KLF7: variants seen among roughly 807,000 people sequenced by gnomAD.
KLF7 encodes KLF transcription factor 7.
A neutral mutation model predicts 27.3 loss-of-function variants in KLF7; 2 were observed. The observed-to-expected ratio is 0.07, with a 90% CI of 0.03 to 0.23. KLF7 has a LOEUF of 0.23. KLF7 is among the 10% of genes least tolerant of loss of function. The pLI, the probability that KLF7 is intolerant of heterozygous loss-of-function variation, is 1.00. For synonymous variants in KLF7, 165 were observed against 162.4 expected, an observed-to-expected ratio of 1.02 and a Z score of -0.12; for missense variants, 221 against 394.1, an observed-to-expected ratio of 0.56 and a Z score of 3.72.
At chr2:207,140,853 T>A (rs2077921895) in intron 1 of KLF7, among the ~76,000 whole-genome samples, 1 of 152,146 alleles carries the variant, frequency 6.6e-6, no homozygotes, top group African/African-American at 2.4e-5. Context: ...AAGTATCTCA[T>A]TGTAAAGGGT....
chr2:207,158,810 G>C (rs1027493796), intron 1 of KLF7, among the ~76,000 whole-genome samples: 2 of 152,126 alleles, frequency 1.3e-5, no homozygotes, highest in Non-Finnish European at 2.9e-5. Context: ...AAAGTAAAAA[G>C]GGAATTTTCT....
intron 1 of KLF7, among the ~76,000 whole-genome samples, chr2:207,137,806 T>C (rs1662122576): frequency 1.3e-5 from 2 of 152,192 alleles, no homozygotes; most frequent in South Asian, 4.1e-4. Context: ...TTTCTCTTAT[T>C]CATTATGTCA....
chr2:207,107,486 G>T (rs1574464936), intron 2 of KLF7, among the ~76,000 whole-genome samples: 1 of 152,186 alleles, frequency 6.6e-6, no homozygotes, highest in African/African-American at 2.4e-5. Context: ...ATATGGAGCT[G>T]CGGCCGTAAA....
chr2:207,168,713 G>A (rs893274842), upstream of KLF7, among the ~76,000 whole-genome samples: 8 of 152,190 alleles, frequency 5.3e-5, no homozygotes, highest in Admixed American at 6.5e-5. Context: ...TTTGCTCCAA[G>A]CTTTGTAGAA....
chr2:207,080,879 A>C lies in KLF7; in HGVS notation c.*334T>G, dbSNP rs2076253401. 4.8e-6 allele frequency: 2 copies of C among 416,370 alleles called. No homozygotes were observed. Among genetic ancestry groups the C allele is most frequent in the Non-Finnish European group, 8.5e-6 (2 of 236,316 alleles). The allele number at this position is 416,370 out of a possible 1,614,324, so 25.8% of individuals were successfully genotyped here. On this transcript the variant is annotated 3_prime_UTR_variant, in exon 4 of 4. Coordinates refer to ENST00000309446, the MANE Select transcript of KLF7 (RefSeq NM_003709.4). ...ATTTTCTTTGATTTCCATTGGCAAC[A>C]GCGGGAAATAATTCCAATAGTGCTG... is the stretch of plus-strand genomic sequence containing the variant.
chr2:207,173,518 C>A, the KLF7 span: 5 of 151,988 alleles, frequency 3.3e-5, no homozygotes, highest in Admixed American at 2.0e-4. Flanking sequence ...AAAAAATGGT[C>A]TCGGTGAATT....
chr2:207,164,590 G>A (rs766924876), intron 1 of KLF7, among the ~76,000 whole-genome samples: 1 of 152,060 alleles, frequency 6.6e-6, no homozygotes, highest in East Asian at 1.9e-4. Flanking sequence ...ACAAAGCCCA[G>A]TGAACTTGTC....
At chr2:207,121,277 G>A (rs2077333984) in intron 2 of KLF7, among the ~76,000 whole-genome samples, 3 of 152,194 alleles carry the variant, frequency 2.0e-5, no homozygotes, top group Non-Finnish European at 4.4e-5. Flanking sequence ...TTTTGTGGTA[G>A]TTAACTTTGG....
chr2:207,151,653 A>G (rs2078251047), intron 1 of KLF7, among the ~76,000 whole-genome samples: 1 of 152,012 alleles, frequency 6.6e-6, no homozygotes, highest in Non-Finnish European at 1.5e-5. Context: ...CCTTTTTAGA[A>G]ATATTTTTCA....
chr2:207,153,880 G>A (rs1194339116), intron 1 of KLF7, among the ~76,000 whole-genome samples: 2 of 152,184 alleles, frequency 1.3e-5, no homozygotes, highest in Non-Finnish European at 2.9e-5. Context: ...TCTACAGAAG[G>A]AGAGAATGCA....
intron 2 of KLF7, among the ~76,000 whole-genome samples, chr2:207,099,476 C>T (rs566745647): frequency 4.1e-5 from 6 of 146,204 alleles, no homozygotes; most frequent in Non-Finnish European, 6.0e-5. Flanking sequence ...TGCTTTTTTG[C>T]TAACCAAAAA....
At chr2:207,084,603 C>G (rs2076345443) in intron 3 of KLF7, among the ~76,000 whole-genome samples, 1 of 152,050 alleles carries the variant, frequency 6.6e-6, no homozygotes, top group East Asian at 1.9e-4. Flanking sequence ...TATTTAAATT[C>G]AATACCCCAG....
chr2:207,163,106 G>A (rs1212057159), intron 1 of KLF7, among the ~76,000 whole-genome samples: 2 of 152,208 alleles, frequency 1.3e-5, no homozygotes, highest in Admixed American at 6.5e-5. Flanking sequence ...AGGGCTAGAG[G>A]TTAAAGGTTT....
intron 1 of KLF7, among the ~76,000 whole-genome samples, chr2:207,151,073 A>C (rs1462696132): frequency 6.6e-6 from 1 of 151,386 alleles, no homozygotes; most frequent in Non-Finnish European, 1.5e-5. Flanking sequence ...GAGTTTACCA[A>C]GCCTTAGAGA....
At chr2:207,111,226 T>C (rs1043972033) in intron 2 of KLF7, among the ~76,000 whole-genome samples, 3 of 152,172 alleles carry the variant, frequency 2.0e-5, no homozygotes, top group Non-Finnish European at 4.4e-5. Flanking sequence ...TGACAGGATG[T>C]CCCGATACCC....
chr2:207,112,043 A>G (rs1417079752), intron 2 of KLF7, among the ~76,000 whole-genome samples: 1 of 151,856 alleles, frequency 6.6e-6, no homozygotes, highest in African/African-American at 2.4e-5. Context: ...GCTGTCAACA[A>G]AGATGAAATA....
At chr2:207,105,620 C>T (rs1474678566) in intron 2 of KLF7, among the ~76,000 whole-genome samples, 2 of 152,120 alleles carry the variant, frequency 1.3e-5, no homozygotes, top group African/African-American at 2.4e-5. Flanking sequence ...GCCAGAAAGC[C>T]CTGAAGAAGG....
At chr2:207,168,869 G>C (rs2078765512), upstream of KLF7, among the ~76,000 whole-genome samples, 1 of 152,148 alleles carries the variant, frequency 6.6e-6, no homozygotes. Flanking sequence ...GATGTACAAA[G>C]TAATCAACAA....
chr2:207,169,729 A>C (rs1269946074), upstream of KLF7, among the ~76,000 whole-genome samples: 1 of 152,134 alleles, frequency 6.6e-6, no homozygotes, highest in African/African-American at 2.4e-5. Context: ...ACAATAGTTC[A>C]AACTTTTTTT....
Sources: gnomAD v4.1 joint callset for allele counts (sites outside exome capture counted in the v4.1 genomes callset) on GRCh38, gnomAD v4.1.1 for gene constraint, MANE v1.5 for transcripts, NCBI Gene and HGNC (gene_info 2026-07-23, HGNC 2026-07-21) for gene names.